Variants in WDR48 observed in about 807,000 individuals in gnomAD.
WDR48 encodes WD repeat domain 48.
WDR48 carries 22 observed loss-of-function variants against 94.0 expected under a neutral mutation model. The observed-to-expected ratio is 0.23, with a 90% confidence interval of 0.17 to 0.33. The LOEUF is 0.33. Ranked by LOEUF, WDR48 falls within the 10% of genes least tolerant of loss-of-function variation. The pLI is 1.00. For missense variants in WDR48, 541 were observed against 813.8 expected (o/e 0.66, Z 4.08); for synonymous variants, 278 against 280.5 (o/e 0.99, Z 0.09).
rs3033301 is a variant in WDR48 at position 39,092,876 on chromosome 3, TAC to T, written c.1746-968_1746-967del. The stretch of plus-strand genomic sequence containing the variant: ...ACCTGCCCTCCCACCCATCTCTGTC[TAC>T]ACACACACACACACACACACACACA... On this transcript the variant is annotated intron_variant, in intron 17 of 18. Coordinates refer to ENST00000302313, the MANE Select transcript of WDR48 (RefSeq NM_020839.4). Among the ~76,000 whole-genome samples, 637 of 145,662 alleles carry T rather than the reference TAC, an allele frequency of 4.4e-3. 6 individuals carry two copies. Among genetic ancestry groups the T allele is most frequent in the African/African-American group, 9.6e-3 (376 of 39,176 alleles).
At chr3:39,060,527 A>G (rs749691476) in intron 1 of WDR48, among the ~76,000 whole-genome samples, 2 of 152,106 alleles carry the variant, frequency 1.3e-5, no homozygotes, top group Non-Finnish European at 2.9e-5. Context: ...GAATGCCACA[A>G]TGCTGTGAAC....
chr3:39,068,717 G>T, intron 5 of WDR48, 54 bp from the exon 6 acceptor site: 2 of 1,375,470 alleles, frequency 1.5e-6, no homozygotes, highest in East Asian at 2.3e-5. Context: ...TTGCTGACTA[G>T]TTACTAAACA....
In WDR48 at chr3:39,085,598, G is replaced by C. The variant is rs2034771900; in HGVS notation, c.1462G>C (p.Glu488Gln). The C allele has an allele frequency of 1.2e-6, 2 of 1,610,382 alleles. No homozygotes were observed. The highest frequency in any genetic ancestry group is 2.7e-5 in the African/African-American group (2 of 74,790). Residue 488 changes from glutamate (E) to glutamine (Q), a missense_variant, in exon 14 of 19, where the codon GAA (glutamate) becomes CAA (glutamine). By Grantham distance (29) the Glu-to-Gln change is conservative. This residue lies in a region of WDR48 where 238 missense variants were observed against 285.3 expected (regional missense o/e 0.83). Coordinates refer to ENST00000302313, the MANE Select transcript of WDR48 (RefSeq NM_020839.4). ...HVNPMDEEEN[E>Q]VNHVNGEQEN... Reference sequence around the variant, plus strand: ...GAATCCAATGGATGAAGAGGAAAATGAAGTAAACCATGGTTAGTTTTTATA... The same window carrying C: ...GAATCCAATGGATGAAGAGGAAAATCAAGTAAACCATGGTTAGTTTTTATA...
chr3:39,087,374 GT>G (rs2034865552), intron 14 of WDR48, among the ~76,000 whole-genome samples: 1 of 152,212 alleles, frequency 6.6e-6, no homozygotes, highest in South Asian at 2.1e-4. Flanking sequence ...GATGGCTTAT[GT>G]TTAGGCTGCC....
intron 1 of WDR48, among the ~76,000 whole-genome samples, chr3:39,058,837 G>A (rs1307418103): frequency 6.6e-6 from 1 of 152,112 alleles, no homozygotes; most frequent in East Asian, 1.9e-4. Flanking sequence ...AGCATTTTGG[G>A]AGGCCAAGGT....
At position 39,095,489 on chromosome 3, in the gene WDR48, G is replaced by A. The variant is rs566701764; in HGVS notation, c.*746G>A. On this transcript the variant is annotated 3_prime_UTR_variant, in exon 19 of 19. Transcript: ENST00000302313. ...GTGGCAACCCCAGGGAGGTGCAGCA[G>A]TTTCACTCCTTCCTCCACTGTGTCC... 6.6e-6 allele frequency: 1 copy of A among 152,326 alleles called. No individual in the cohort carries two copies. Among genetic ancestry groups the A allele is most frequent in the South Asian group, 2.1e-4 (1 of 4,832 alleles). The allele number at this position is 152,326 out of a possible 1,614,324, so 9.4% of individuals were successfully genotyped here.
chr3:39,057,867 C>T (rs13078636), intron 1 of WDR48, among the ~76,000 whole-genome samples: 16,163 of 152,250 alleles, frequency 0.11, 916 homozygotes, highest in Admixed American at 0.14. Flanking sequence ...GTGATCTGCC[C>T]GCCTTGGCCT....
At chr3:39,079,391 A>ATT (rs927435302) in intron 10 of WDR48, among the ~76,000 whole-genome samples, 2 of 152,218 alleles carry the variant, frequency 1.3e-5, no homozygotes, top group Non-Finnish European at 2.9e-5. Flanking sequence ...TCCTGTCATC[A>ATT]TTTTGACTTT....
At chr3:39,084,546 C>A in intron 12 of WDR48, 99 bp from the exon 13 acceptor site, 1 of 1,084,280 alleles carries the variant, frequency 9.2e-7, no homozygotes, top group Non-Finnish European at 1.3e-6. Flanking sequence ...GAATTTATGA[C>A]TTAGCACTTT....
intron 16 of WDR48, chr3:39,089,573 T>C: frequency 4.1e-6 from 1 of 243,408 alleles, no homozygotes; most frequent in Admixed American, 5.6e-5. Flanking sequence ...GCTCTCATCT[T>C]CCCCAAGCAT....
intron 1 of WDR48, among the ~76,000 whole-genome samples, chr3:39,060,508 C>T (rs1318760104): frequency 6.6e-6 from 1 of 151,718 alleles, no homozygotes; most frequent in African/African-American, 2.4e-5. Context: ...ACTTTTGTAA[C>T]ATTATTGTGA....
Position 39,065,987 on chromosome 3 carries a change from C to T in WDR48, c.268+98C>T, listed in dbSNP as rs564266865. On this transcript the variant is annotated intron_variant, in intron 3 of 18. Transcript: ENST00000302313. The stretch of plus-strand genomic sequence containing the variant: ...ACATACATACAGAAAAGTACACACA[C>T]TTCGAGATTGCAGTTCAACACAATT... The T allele has an allele frequency of 9.9e-4, 792 of 798,132 alleles. 16 individuals are homozygous for T. The South Asian group carries it at 0.018, about 19-fold the overall frequency. The allele number at this position is 798,132 out of a possible 1,614,324, so 49.4% of individuals were successfully genotyped here.
intron 18 of WDR48, 133 bp downstream of exon 18, chr3:39,094,199 C>T: frequency 6.9e-7 from 1 of 1,455,902 alleles, no homozygotes; most frequent in Non-Finnish European, 9.0e-7. Flanking sequence ...ACCTAAAGCC[C>T]ACCCTAAAGC....
chr3:39,078,115 A>G, intron 9 of WDR48, 22 bp from the exon 10 acceptor site: 2 of 1,564,610 alleles, frequency 1.3e-6, no homozygotes, highest in African/African-American at 1.4e-5. Flanking sequence ...ACATGATCAA[A>G]TAACAAATTT....
chr3:39,090,818 T>G (rs933210906), intron 16 of WDR48: 1 of 152,222 alleles, frequency 6.6e-6, no homozygotes, highest in African/African-American at 2.4e-5. Context: ...AGAAACTTTA[T>G]TTTCTGTCCC....
chr3:39,084,698 A>C lies in WDR48; in HGVS notation c.1335A>C (p.Ala445=). 6.2e-7 allele frequency: 1 copy of C among 1,613,964 alleles called. No individual in the cohort carries two copies. The highest frequency in any genetic ancestry group is 8.5e-7 in the Non-Finnish European group (1 of 1,179,924). ...ESDCFAAWVS[A]KDAGFSSPDG... Reference sequence around the variant, plus strand: ...ATTGTTTTGCTGCCTGGGTTTCTGCAAAAGATGCTGGTTTCAGCAGCCCTG... The same window carrying C: ...ATTGTTTTGCTGCCTGGGTTTCTGCCAAAGATGCTGGTTTCAGCAGCCCTG... Residue 445 remains alanine, a synonymous_variant, in exon 13 of 19, where the codon GCA becomes GCC. Transcript: ENST00000302313.
Position 39,066,736 on chromosome 3 carries a change from T to C in WDR48, c.352-10T>C. ...ACAGAATAGATCATAGTATGTCTGTTCTATTACAGGATTACGTAAAGGCCT... is the reference window on the plus strand; with the variant it reads ...ACAGAATAGATCATAGTATGTCTGTCCTATTACAGGATTACGTAAAGGCCT... On this transcript the variant is annotated splice_polypyrimidine_tract_variant and intron_variant, in intron 4 of 18. Coordinates refer to ENST00000302313, the MANE Select transcript of WDR48 (RefSeq NM_020839.4). The C allele has an allele frequency of 6.2e-7, 1 of 1,613,986 alleles. No homozygotes were observed. Among genetic ancestry groups the C allele is most frequent in the Non-Finnish European group, 8.5e-7 (1 of 1,179,906 alleles).
intron 8 of WDR48, among the ~76,000 whole-genome samples, chr3:39,076,104 C>G (rs78317225): frequency 2.0e-5 from 3 of 152,092 alleles, no homozygotes; most frequent in African/African-American, 7.2e-5. Context: ...CCATTCTCTA[C>G]GAAACTAAGT....
intron 6 of WDR48, 114 bp from the exon 7 acceptor site, chr3:39,069,529 G>C (rs1265167737): frequency 1.1e-6 from 1 of 880,382 alleles, no homozygotes; most frequent in Non-Finnish European, 1.7e-6. Context: ...ATTGGCAGAA[G>C]TGGTATTGCC....
Sources: allele counts gnomAD v4.1 joint callset (sites outside exome capture counted in the v4.1 genomes callset), GRCh38; gene constraint gnomAD v4.1.1; regional missense constraint gnomAD v4.1.1; transcripts MANE v1.5; gene names NCBI Gene and HGNC (gene_info 2026-07-23, HGNC 2026-07-21).